The following VWA8 variants were observed in gnomAD, a reference collection of about 807,000 sequenced individuals.
The protein encoded by VWA8 is von Willebrand factor A domain containing 8.
A neutral mutation model predicts 241.5 loss-of-function variants in VWA8; 221 were observed. That is an observed-to-expected ratio of 0.91 (90% CI 0.82 to 1.02). VWA8 has a LOEUF of 1.02. Ranked by LOEUF, VWA8 falls within the 50% of genes least tolerant of loss-of-function variation. VWA8 has a pLI of 0.00. For missense variants in VWA8, 2,322 were observed against 2,328.7 expected, an observed-to-expected ratio of 1.00 and a Z score of 0.06; for synonymous variants, 852 against 827.1, an observed-to-expected ratio of 1.03 and a Z score of -0.52.
chr13:41,952,087 C>T (rs1878163700), intron 1 of VWA8, among the ~76,000 whole-genome samples: 2 of 152,288 alleles, frequency 1.3e-5, no homozygotes, highest in South Asian at 2.1e-4. Context: ...TTTGTCTTCA[C>T]GCAATCTATC....
At chr13:41,857,843 T>C (rs1872820014) in intron 12 of VWA8, among the ~76,000 whole-genome samples, 1 of 152,182 alleles carries the variant, frequency 6.6e-6, no homozygotes, top group Non-Finnish European at 1.5e-5. Context: ...TGTGAAGGTA[T>C]TTCTGGATGA....
intron 12 of VWA8, among the ~76,000 whole-genome samples, chr13:41,861,750 A>G (rs987018750): frequency 1.3e-5 from 2 of 152,206 alleles, no homozygotes; most frequent in African/African-American, 4.8e-5. Flanking sequence ...AGAAAGTAAA[A>G]GATCTTTTCT....
intron 2 of VWA8, among the ~76,000 whole-genome samples, chr13:41,935,931 C>T (rs1055610513): frequency 2.6e-5 from 4 of 152,006 alleles, no homozygotes; most frequent in Non-Finnish European, 5.9e-5. Context: ...ATTTATTCAA[C>T]GGCTCCTCCA....
chr13:41,690,279 C>A lies in VWA8; in HGVS notation c.3867-4G>T. On this transcript the variant is annotated splice_region_variant and splice_polypyrimidine_tract_variant and intron_variant, in intron 32 of 44. Transcript: ENST00000379310. ...AGGCTTAGTTAAAAGATATTTCCTG[C>A]AAACAAACAAAACATCTAGCTTAAG... 6.2e-7 allele frequency: 1 copy of A among 1,602,438 alleles called. No individual in the cohort carries two copies. The highest frequency in any genetic ancestry group is 8.5e-7 in the Non-Finnish European group (1 of 1,174,196).
At chr13:41,819,641 C>G (rs1303428656) in intron 14 of VWA8, among the ~76,000 whole-genome samples, 1 of 152,190 alleles carries the variant, frequency 6.6e-6, no homozygotes, top group Non-Finnish European at 1.5e-5. Context: ...CTGACACGAA[C>G]CACTGCTTTT....
In VWA8 at chr13:41,927,541, CA is replaced by C. The variant is rs1034012137; in HGVS notation, c.242-15374del. ...ACCAAATAAACCATTTGTCTCCTCT[CA>C]AAAAAAAAAAACTATAAGATGTTTT... On this transcript the variant is annotated intron_variant, in intron 2 of 44. Coordinates refer to ENST00000379310, the MANE Select transcript of VWA8 (RefSeq NM_015058.2). Among the ~76,000 whole-genome samples the C allele has an allele frequency of 7.4e-3, 1,021 of 137,504 alleles. 7 individuals are homozygous for C. Among genetic ancestry groups the C allele is most frequent in the Middle Eastern group, 0.026 (7 of 266 alleles). 90.2% of individuals were successfully genotyped at this position (137,504 alleles called of 152,430 possible). A position where few individuals can be genotyped will look rare whatever the true frequency, so the allele number is the denominator to read the frequency against.
chr13:41,901,759 G>A (rs973518299), intron 4 of VWA8, among the ~76,000 whole-genome samples: 2 of 149,874 alleles, frequency 1.3e-5, no homozygotes, highest in Admixed American at 6.7e-5. Flanking sequence ...CCAGTTACTC[G>A]GGAGGCTGAG....
intron 24 of VWA8, 22 bp downstream of exon 24, chr13:41,727,172 T>C (rs1364459967): frequency 6.6e-7 from 1 of 1,517,990 alleles, no homozygotes; most frequent in Non-Finnish European, 8.9e-7. Flanking sequence ...ATTGGTATTG[T>C]TATTATCATT....
intron 18 of VWA8, among the ~76,000 whole-genome samples, chr13:41,785,246 A>G (rs1334091407): frequency 6.6e-6 from 1 of 152,148 alleles, no homozygotes; most frequent in East Asian, 1.9e-4. Flanking sequence ...TTCAAAGAGG[A>G]AAGAATAATG....
chr13:41,698,648 A>G (rs2045229857), intron 29 of VWA8, among the ~76,000 whole-genome samples: 1 of 152,144 alleles, frequency 6.6e-6, no homozygotes, highest in Non-Finnish European at 1.5e-5. Flanking sequence ...ACTCTTTTTA[A>G]TACCATTCAC....
chr13:41,594,740 CCTAA>C (rs761402134), intron 40 of VWA8, among the ~76,000 whole-genome samples: 1 of 152,246 alleles, frequency 6.6e-6, no homozygotes, highest in Admixed American at 6.5e-5. Context: ...GGTTAAAATT[CCTAA>C]CTATTATCTT....
chr13:41,789,621 G>A (rs946985720), intron 17 of VWA8, among the ~76,000 whole-genome samples: 7 of 152,140 alleles, frequency 4.6e-5, no homozygotes, highest in Non-Finnish European at 7.4e-5. Flanking sequence ...ACAGGAGTGG[G>A]ATAGGATCTT....
intron 36 of VWA8, among the ~76,000 whole-genome samples, chr13:41,673,470 A>C (rs2137801233): frequency 6.6e-6 from 1 of 152,284 alleles, no homozygotes; most frequent in East Asian, 1.9e-4. Flanking sequence ...TGACAATGAA[A>C]CAGACTCTAA....
chr13:41,819,185 A>T (rs765483720), intron 15 of VWA8, 33 bp downstream of exon 15: 1 of 1,572,646 alleles, frequency 6.4e-7, no homozygotes, highest in South Asian at 1.2e-5. Flanking sequence ...TCAGCTTTTT[A>T]AGAAAATAGA....
chr13:41,672,322 G>A (rs1250692749), intron 36 of VWA8, among the ~76,000 whole-genome samples: 1 of 152,046 alleles, frequency 6.6e-6, no homozygotes, highest in Non-Finnish European at 1.5e-5. Context: ...TGTATGTATA[G>A]TAATTTCTAG....
intron 37 of VWA8, among the ~76,000 whole-genome samples, chr13:41,618,755 G>C (rs368949971): frequency 6.6e-6 from 1 of 152,028 alleles, no homozygotes; most frequent in African/African-American, 2.4e-5. Context: ...TCTTGTTTTT[G>C]TCAGGTTTGT....
At chr13:41,938,893 A>G (rs1877471576) in intron 2 of VWA8, among the ~76,000 whole-genome samples, 1 of 152,188 alleles carries the variant, frequency 6.6e-6, no homozygotes, top group Admixed American at 6.5e-5. Flanking sequence ...GATGTTCTAT[A>G]TTATCTATAT....
At chr13:41,815,282 G>T (rs1045677168) in intron 16 of VWA8, among the ~76,000 whole-genome samples, 1 of 152,200 alleles carries the variant, frequency 6.6e-6, no homozygotes, top group Non-Finnish European at 1.5e-5. Context: ...GGCCCCAGAG[G>T]GGACCTGTGA....
chr13:41,816,460 C>T (rs555646712), intron 16 of VWA8, among the ~76,000 whole-genome samples: 1 of 152,126 alleles, frequency 6.6e-6, no homozygotes, highest in East Asian at 1.9e-4. Context: ...CCCCCATGAA[C>T]ATGAAGTACT....
Sources: gnomAD v4.1 joint callset for allele counts (sites outside exome capture counted in the v4.1 genomes callset) on GRCh38, gnomAD v4.1.1 for gene constraint, MANE v1.5 for transcripts, NCBI Gene and HGNC (gene_info 2026-07-23, HGNC 2026-07-21) for gene names.